The following BANK1 variants were observed in gnomAD, a reference collection of about 807,000 sequenced individuals.
BANK1 encodes B cell scaffold protein with ankyrin repeats 1.
A neutral mutation model predicts 94.5 loss-of-function variants in BANK1; 95 were observed. The observed-to-expected ratio is 1.00, with a 90% CI of 0.85 to 1.19. The LOEUF (loss-of-function observed/expected upper bound fraction) is 1.19. Among genes scored for constraint, BANK1 ranks in the 50% most tolerant of loss-of-function variants. The pLI is 0.00. For missense variants in BANK1, 987 were observed against 932.2 expected (o/e 1.06, Z -0.77); for synonymous variants, 334 against 308.4 (o/e 1.08, Z -0.87).
intron 7 of BANK1, among the ~76,000 whole-genome samples, chr4:101,919,636 TAC>T (rs764099253): frequency 1.3e-5 from 2 of 152,158 alleles, no homozygotes; most frequent in East Asian, 3.9e-4. Flanking sequence ...ATTCTAATTT[TAC>T]AGTTATACTT....
intron 7 of BANK1, among the ~76,000 whole-genome samples, chr4:101,978,499 CT>C (rs777480284): frequency 1.1e-4 from 17 of 152,024 alleles, no homozygotes; most frequent in South Asian, 1.0e-3. Flanking sequence ...AGGTAGTCCC[CT>C]ATTCCAATTT....
intron 5 of BANK1, among the ~76,000 whole-genome samples, chr4:101,875,297 AC>A (rs1213819192): frequency 6.6e-6 from 1 of 152,140 alleles, no homozygotes; most frequent in African/African-American, 2.4e-5. Context: ...AGAAAATAAA[AC>A]AGGACCAAAC....
chr4:101,876,169 G>A (rs1411095691), intron 5 of BANK1, among the ~76,000 whole-genome samples: 2 of 152,182 alleles, frequency 1.3e-5, no homozygotes, highest in East Asian at 3.9e-4. Flanking sequence ...AGAGCCCTTG[G>A]CCCTGAATAA....
At chr4:101,989,638 G>C (rs1392423871) in intron 7 of BANK1, among the ~76,000 whole-genome samples, 1 of 151,314 alleles carries the variant, frequency 6.6e-6, no homozygotes, top group Non-Finnish European at 1.5e-5. Flanking sequence ...ATCTGGGACA[G>C]CTTTTTTTTT....
At chr4:102,007,077 TATAA>T (rs755501970) in intron 7 of BANK1, among the ~76,000 whole-genome samples, 3 of 75,874 alleles carry the variant, frequency 4.0e-5, no homozygotes, top group East Asian at 3.0e-4. Flanking sequence ...TTTATATATA[TATAA>T]ATATATATAT....
chr4:101,970,402 G>A (rs1442998197), intron 7 of BANK1, among the ~76,000 whole-genome samples: 1 of 152,126 alleles, frequency 6.6e-6, no homozygotes, highest in Non-Finnish European at 1.5e-5. Context: ...TCAGAAGTGG[G>A]AAAGTTAAAG....
intron 5 of BANK1, among the ~76,000 whole-genome samples, chr4:101,873,386 A>G (rs1728368003): frequency 6.6e-6 from 1 of 152,176 alleles, no homozygotes; most frequent in Non-Finnish European, 1.5e-5. Context: ...GAGCATTTAA[A>G]AGCTATTGGG....
At chr4:101,820,972 C>A (rs906441760) in intron 1 of BANK1, among the ~76,000 whole-genome samples, 1 of 151,932 alleles carries the variant, frequency 6.6e-6, no homozygotes, top group East Asian at 1.9e-4. Flanking sequence ...GATTTATATT[C>A]CTCTGGGTGG....
intron 7 of BANK1, among the ~76,000 whole-genome samples, chr4:101,919,690 A>G (rs933761443): frequency 7.2e-5 from 11 of 151,968 alleles, no homozygotes; most frequent in African/African-American, 2.7e-4. Flanking sequence ...TTTCTATAGT[A>G]TCTTTGTAAG....
chr4:101,857,573 G>A (rs762787978), intron 3 of BANK1, among the ~76,000 whole-genome samples: 5 of 152,238 alleles, frequency 3.3e-5, no homozygotes, highest in Non-Finnish European at 7.4e-5. Flanking sequence ...ATGACCCTTG[G>A]AGCTTGGGAA....
At chr4:101,836,945 C>G (rs1487962733) in intron 2 of BANK1, among the ~76,000 whole-genome samples, 1 of 152,166 alleles carries the variant, frequency 6.6e-6, no homozygotes, top group Non-Finnish European at 1.5e-5. Context: ...CATTTCTCAT[C>G]CATTGGCCTA....
chr4:101,856,341 GAC>G (rs1309048639), intron 3 of BANK1, among the ~76,000 whole-genome samples: 1 of 151,912 alleles, frequency 6.6e-6, no homozygotes, highest in East Asian at 1.9e-4. Flanking sequence ...TGAGGAAACT[GAC>G]ACAGATGATC....
chr4:101,825,678 C>A (rs1001270510), intron 1 of BANK1, among the ~76,000 whole-genome samples: 1 of 151,872 alleles, frequency 6.6e-6, no homozygotes, highest in Non-Finnish European at 1.5e-5. Context: ...TAGCAACATG[C>A]CTGGTACATA....
At chr4:101,916,972 A>G (rs1462661967) in intron 6 of BANK1, among the ~76,000 whole-genome samples, 1 of 152,036 alleles carries the variant, frequency 6.6e-6, no homozygotes, top group African/African-American at 2.4e-5. Context: ...TCTCCTAAAC[A>G]AATCTATTAT....
intron 7 of BANK1, among the ~76,000 whole-genome samples, chr4:101,981,351 C>G (rs1355413319): frequency 6.6e-6 from 1 of 151,996 alleles, no homozygotes; most frequent in African/African-American, 2.4e-5. Flanking sequence ...TCTCTTTAGA[C>G]TAATTAATAT....
chr4:101,993,342 A>G (rs969024050), intron 7 of BANK1, among the ~76,000 whole-genome samples: 1 of 152,122 alleles, frequency 6.6e-6, no homozygotes, highest in Admixed American at 6.6e-5. Flanking sequence ...CTTTTTGGCA[A>G]TTTACTTTCT....
chr4:101,999,435 A>G (rs1343328581), intron 7 of BANK1, among the ~76,000 whole-genome samples: 2 of 152,246 alleles, frequency 1.3e-5, no homozygotes, highest in Non-Finnish European at 2.9e-5. Context: ...ATGGATGTCA[A>G]TAAAGCACTG....
At position 101,828,199 on chromosome 4, in the gene BANK1, A is replaced by G. The variant is rs539164829; in HGVS notation, c.71-1609A>G. ...TACCTATCTTTAATTCTTTTTGTAA[A>G]TGCCCTATTAGACCTGTCCAACCTC... On this transcript the variant is annotated intron_variant, in intron 1 of 16. Coordinates refer to ENST00000322953, the MANE Select transcript of BANK1 (RefSeq NM_017935.5). Among the ~76,000 whole-genome samples the G allele has an allele frequency of 2.6e-5, 4 of 151,606 alleles. No homozygotes were observed. In the East Asian group the frequency reaches 7.7e-4, roughly 29 times the overall value.
rs181593729 is a variant in BANK1 at position 102,010,062 on chromosome 4, C to G, written c.1207-11452C>G. 5.4e-3 allele frequency among the ~76,000 whole-genome samples: 826 copies of G among 152,080 alleles called. 6 individuals are homozygous for G. Among genetic ancestry groups the G allele is most frequent in the Non-Finnish European group, 7.1e-3 (486 of 67,978 alleles). On this transcript the variant is annotated intron_variant, in intron 7 of 16. Coordinates refer to ENST00000322953, the MANE Select transcript of BANK1 (RefSeq NM_017935.5). ...TGGGCAGATCACGAAGTCAGGAGAT[C>G]GAGACCATCCTGGCTAACACGGTGA...
Sources: gnomAD v4.1 joint callset for allele counts (sites outside exome capture counted in the v4.1 genomes callset) on GRCh38, gnomAD v4.1.1 for gene constraint, MANE v1.5 for transcripts, NCBI Gene and HGNC (gene_info 2026-07-23, HGNC 2026-07-21) for gene names.